The following TRIP12 variants were observed in gnomAD, a reference collection of about 807,000 sequenced individuals.
TRIP12 encodes the protein E3 ubiquitin-protein ligase TRIP12.
A neutral mutation model predicts 244.2 loss-of-function variants in TRIP12; 25 were observed. The ratio of observed to expected loss-of-function variants is 0.10; its 90% CI spans 0.07 to 0.14. The LOEUF is 0.14. TRIP12 is among the 10% of genes least tolerant of loss of function. TRIP12 has a pLI of 1.00. For synonymous variants in TRIP12, 905 were observed against 873.1 expected (o/e 1.04, Z -0.64); for missense variants, 1,677 against 2,486.4 (o/e 0.67, Z 6.92).
intron 1 of TRIP12, among the ~76,000 whole-genome samples, chr2:229,889,921 G>A (rs989615616): frequency 6.6e-6 from 1 of 152,076 alleles, no homozygotes; most frequent in Non-Finnish European, 1.5e-5. Context: ...TTACAGCAAA[G>A]TGCTCCCTAT....
chr2:229,850,283 A>C (rs1380538153), intron 4 of TRIP12, among the ~76,000 whole-genome samples: 1 of 151,440 alleles, frequency 6.6e-6, no homozygotes. Context: ...AAATTTGGCC[A>C]CTTCTGTTTA....
At chr2:229,809,717 T>C (rs2046804239) in intron 15 of TRIP12, among the ~76,000 whole-genome samples, 1 of 152,098 alleles carries the variant, frequency 6.6e-6, no homozygotes, top group Non-Finnish European at 1.5e-5. Context: ...CCACTCAAAA[T>C]AGGGTTGTCT....
chr2:229,823,480 C>T (rs1291166472), intron 8 of TRIP12, among the ~76,000 whole-genome samples: 1 of 151,774 alleles, frequency 6.6e-6, no homozygotes, highest in East Asian at 1.9e-4. Flanking sequence ...CGAGACCATC[C>T]TGGCTAACAC....
intron 1 of TRIP12, among the ~76,000 whole-genome samples, chr2:229,917,380 CAAAAAAAAAAAAAAAAAAAAAAAAA>C (rs60397605): frequency 6.8e-5 from 2 of 29,264 alleles, no homozygotes; most frequent in Non-Finnish European, 1.2e-4. Flanking sequence ...GACTCTGTCT[CAAAAAAAAAAAAAAAAAAAAAAAAA>C]AAAAAAAAAA....
At position 229,765,925 on chromosome 2, in the gene TRIP12, G is replaced by T. The variant is rs2031570692; in HGVS notation, c.*1629C>A. The T allele has an allele frequency of 6.6e-6, 1 of 152,120 alleles. No individual in the cohort carries two copies. The highest frequency in any genetic ancestry group is 2.4e-5 in the African/African-American group (1 of 41,434). 9.4% of individuals were successfully genotyped at this position (152,120 alleles called of 1,614,324 possible). On this transcript the variant is annotated 3_prime_UTR_variant, in exon 42 of 42. Transcript: ENST00000675903. ...TTCCCTTCCACTTAATGGGGTCACT[G>T]CCCAAGTGAACTCTCAGGAGGGGAC...
intron 9 of TRIP12, 147 bp downstream of exon 9, chr2:229,818,217 T>A (rs2048994494): frequency 1.2e-6 from 1 of 869,268 alleles, no homozygotes; most frequent in African/African-American, 1.7e-5. Flanking sequence ...TCTGTAAGCA[T>A]GAAATACAAG....
At chr2:229,775,386 T>TA (rs373514087) in intron 37 of TRIP12, among the ~76,000 whole-genome samples, 1,670 of 129,780 alleles carry the variant, frequency 0.013, 16 homozygotes, top group East Asian at 0.069. Context: ...CACAAAGATT[T>TA]AAAAAAAAAA....
At chr2:229,768,137 G>A (rs1197163048) in intron 41 of TRIP12, among the ~76,000 whole-genome samples, 1 of 152,174 alleles carries the variant, frequency 6.6e-6, no homozygotes, top group African/African-American at 2.4e-5. Flanking sequence ...TGTTGTGCCT[G>A]TAGTCCCAGC....
intron 1 of TRIP12, among the ~76,000 whole-genome samples, chr2:229,902,694 C>G (rs1330732321): frequency 6.6e-6 from 1 of 152,050 alleles, no homozygotes; most frequent in Non-Finnish European, 1.5e-5. Context: ...GTGAATTTAA[C>G]AATATTATTC....
intron 33 of TRIP12, among the ~76,000 whole-genome samples, chr2:229,786,590 T>C (rs2040120936): frequency 9.4e-6 from 1 of 106,324 alleles, no homozygotes; most frequent in Admixed American, 9.8e-5. Context: ...TTTTTTTTTT[T>C]GTATTTTTAG....
intron 4 of TRIP12, among the ~76,000 whole-genome samples, 172 bp from the exon 5 acceptor site, chr2:229,841,099 G>A (rs2056319317): frequency 6.6e-6 from 1 of 152,092 alleles, no homozygotes; most frequent in African/African-American, 2.4e-5. Flanking sequence ...AAAAGCTAAT[G>A]GTACTTGGCA....
chr2:229,867,172 T>TG (rs1553716927), intron 2 of TRIP12, among the ~76,000 whole-genome samples: 2 of 8,210 alleles, frequency 2.4e-4, no homozygotes, highest in Non-Finnish European at 3.3e-3. Flanking sequence ...TGTTTGTTTG[T>TG]TTTTTTTTTT....
chr2:229,791,232 C>T lies in TRIP12; in HGVS notation c.4435G>A (p.Asp1479Asn), dbSNP rs777119662. 3 of 1,613,944 alleles carry T rather than the reference C, an allele frequency of 1.9e-6. No homozygotes were observed. Among genetic ancestry groups the T allele is most frequent in the South Asian group, 2.2e-5 (2 of 91,076 alleles). Reference protein sequence around the residue: ...HTIWYKPVREDEESNKDCVGG... With the variant: ...HTIWYKPVRENEESNKDCVGG... ...ACACAATCTTTATTACTTTCTTCATCCTCTCTCACAGGTTTATACCTAAAA... is the reference window on the plus strand; with the variant it reads ...ACACAATCTTTATTACTTTCTTCATTCTCTCTCACAGGTTTATACCTAAAA... Residue 1479 changes from aspartate to asparagine, a missense_variant, in exon 30 of 42, where the codon GAT becomes AAT. Physicochemically the swap from Asp to Asn is conservative, Grantham distance 23. Around this residue, in one of 11 missense-constraint regions of TRIP12, gnomAD observed 265 missense variants for 370.8 expected, o/e 0.71. Transcript: ENST00000675903.
chr2:229,909,818 T>C (rs948664452), intron 1 of TRIP12, among the ~76,000 whole-genome samples: 3 of 152,094 alleles, frequency 2.0e-5, no homozygotes. Context: ...TGTACCACTA[T>C]GCTCCAGCCT....
chr2:229,771,985 G>C (rs2034510531), intron 38 of TRIP12, among the ~76,000 whole-genome samples: 1 of 152,190 alleles, frequency 6.6e-6, no homozygotes, highest in Non-Finnish European at 1.5e-5. Flanking sequence ...GAGAATTAAA[G>C]GTAATGTTTG....
At chr2:229,815,553 G>C (rs779242789) in intron 9 of TRIP12, among the ~76,000 whole-genome samples, 8 of 152,086 alleles carry the variant, frequency 5.3e-5, no homozygotes, top group Non-Finnish European at 1.0e-4. Context: ...CGTGATACAG[G>C]TCACAAACAA....
At chr2:229,883,440 C>T (rs2065282139) in intron 1 of TRIP12, among the ~76,000 whole-genome samples, 1 of 152,198 alleles carries the variant, frequency 6.6e-6, no homozygotes, top group Non-Finnish European at 1.5e-5. Context: ...TATTACACTG[C>T]TAAAAGTTAT....
chr2:229,862,949 G>A (rs998622466), intron 2 of TRIP12, among the ~76,000 whole-genome samples: 8 of 152,154 alleles, frequency 5.3e-5, no homozygotes, highest in African/African-American at 1.9e-4. Context: ...GCAATGCCCA[G>A]CAGGGCACGG....
At chr2:229,791,684 TGAG>T (rs1559426517) in intron 29 of TRIP12, 179 bp downstream of exon 29, 1 of 619,844 alleles carries the variant, frequency 1.6e-6, no homozygotes, top group African/African-American at 1.8e-5. Flanking sequence ...GTAGAATGAA[TGAG>T]GAGGCTACAT....
Sources: gnomAD v4.1 joint callset for allele counts (sites outside exome capture counted in the v4.1 genomes callset) on GRCh38, gnomAD v4.1.1 for gene constraint, gnomAD v4.1.1 regional missense constraint, MANE v1.5 for transcripts, NCBI Gene and HGNC (gene_info 2026-07-23, HGNC 2026-07-21) for gene names.